The following HEATR6 variants were observed in gnomAD, a reference collection of about 807,000 sequenced individuals.
HEATR6 encodes the protein HEAT repeat containing 6.
A neutral mutation model predicts 132.8 loss-of-function variants in HEATR6; 106 were observed. The observed-to-expected ratio is 0.80, with a 90% CI of 0.68 to 0.94. The LOEUF (loss-of-function observed/expected upper bound fraction) is 0.94. Ranked by LOEUF, HEATR6 falls within the 40% of genes least tolerant of loss-of-function variation. The pLI is 0.00. For synonymous variants in HEATR6, 529 were observed against 537.8 expected (o/e 0.98, Z 0.23); for missense variants, 1,339 against 1,425.1 (o/e 0.94, Z 0.97).
intron 8 of HEATR6, among the ~76,000 whole-genome samples, chr17:60,066,701 C>A (rs1485060775): frequency 1.3e-5 from 2 of 152,194 alleles, no homozygotes; most frequent in Non-Finnish European, 2.9e-5. Flanking sequence ...GAGTATCCAT[C>A]CATCCATTCA....
chr17:60,069,667 T>C (rs1333343864), intron 7 of HEATR6, 44 bp downstream of exon 7: 1 of 1,580,708 alleles, frequency 6.3e-7, no homozygotes, highest in Non-Finnish European at 8.7e-7. Flanking sequence ...CAACAATCTA[T>C]TAAAAATAAG....
Position 60,043,556 on chromosome 17 carries a change from G to T in HEATR6, c.*7C>A. ...GCCTTCGACATCTAGAAAGTATGGT[G>T]GGATCTTCACTGATTTGTTAACCCT... On this transcript the variant is annotated 3_prime_UTR_variant, in exon 20 of 20. Coordinates refer to ENST00000184956, the MANE Select transcript of HEATR6 (RefSeq NM_022070.5). 6.3e-7 allele frequency: 1 copy of T among 1,599,326 alleles called. No individual in the cohort carries two copies. The highest frequency in any genetic ancestry group is 2.2e-5 in the East Asian group (1 of 44,554).
chr17:60,067,404 A>G (rs2083247493), intron 8 of HEATR6, 30 bp downstream of exon 8: 2 of 1,456,304 alleles, frequency 1.4e-6, no homozygotes, highest in Non-Finnish European at 1.8e-6. Flanking sequence ...TTAGAATACA[A>G]GGTATAAAAA....
Position 60,078,799 on chromosome 17 carries a change from G to T in HEATR6, c.116C>A (p.Ala39Asp), listed in dbSNP as rs200568218. Residue 39 changes from alanine to aspartate, a missense_variant, in exon 1 of 20, where the codon GCC becomes GAC. Coordinates refer to ENST00000184956, the MANE Select transcript of HEATR6 (RefSeq NM_022070.5). ...GFRLLSARLC[A>D]LRPDDSSSAR... ...GGAGCTGCTGTCATCCGGGCGCAGG[G>T]CGCAGAGCCTGGCAGACAAGAGGCG... 1 of 1,596,886 alleles carries T rather than the reference G, an allele frequency of 6.3e-7. No individual in the cohort carries two copies. The highest frequency in any genetic ancestry group is 1.1e-5 in the South Asian group (1 of 87,604).
chr17:60,044,138 G>A lies in HEATR6; in HGVS notation c.2975-4C>T. 6.3e-7 allele frequency: 1 copy of A among 1,597,112 alleles called. No individual in the cohort carries two copies. Among genetic ancestry groups the A allele is most frequent in the African/African-American group, 1.3e-5 (1 of 74,548 alleles). On this transcript the variant is annotated splice_polypyrimidine_tract_variant and splice_region_variant and intron_variant, in intron 19 of 19. Coordinates refer to ENST00000184956, the MANE Select transcript of HEATR6 (RefSeq NM_022070.5). ...TGGGAGGTCCATGGGGCTGTCCCTAGAAAGAATCCACAGTCACTAAAACAA... is the reference window on the plus strand; with the variant it reads ...TGGGAGGTCCATGGGGCTGTCCCTAAAAAGAATCCACAGTCACTAAAACAA...
Position 60,066,315 on chromosome 17 carries a change from T to G in HEATR6, c.1310A>C (p.Lys437Thr), listed in dbSNP as rs1280113717. 3 of 1,613,820 alleles carry G rather than the reference T, an allele frequency of 1.9e-6. No homozygotes were observed. The highest frequency in any genetic ancestry group is 2.5e-6 in the Non-Finnish European group (3 of 1,179,934). ...FLSTIKSIEK[K>T]VLYGYWSAFI... ...AGCTGACCAGTAGCCATAAAGAACTTTTTTTTCTATCGATTTTATAGTAGA... is the reference window on the plus strand; with the variant it reads ...AGCTGACCAGTAGCCATAAAGAACTGTTTTTTCTATCGATTTTATAGTAGA... Residue 437 changes from lysine to threonine, a missense_variant, in exon 9 of 20, where the codon AAA becomes ACA. By Grantham distance (78) the Lys-to-Thr change is moderately conservative. Transcript: ENST00000184956.
At chr17:60,051,183 G>A (rs1222171276) in intron 14 of HEATR6, among the ~76,000 whole-genome samples, 2 of 152,182 alleles carry the variant, frequency 1.3e-5, no homozygotes, top group African/African-American at 2.4e-5. Context: ...AGGAGACTGC[G>A]GTCTGATAAA....
In HEATR6 at chr17:60,057,374, G is replaced by GT. The variant is rs1163175674; in HGVS notation, c.1752dup (p.Leu585ThrfsTer14). 1.0e-5 allele frequency: 16 copies of GT among 1,605,698 alleles called. No individual in the cohort carries two copies. Among genetic ancestry groups the GT allele is most frequent in the Non-Finnish European group, 1.2e-5 (14 of 1,174,868 alleles). On this transcript the variant is annotated frameshift_variant, in exon 12 of 20. Coordinates refer to ENST00000184956, the MANE Select transcript of HEATR6 (RefSeq NM_022070.5). The stretch of plus-strand genomic sequence containing the variant: ...TGGGTGGACACTATAGCTCCCAAGA[G>GT]TGTGAGACTTGACACACGAACATTA...
At chr17:60,066,499 T>C (rs2083241642) in intron 8 of HEATR6, 113 bp from the exon 9 acceptor site, 1 of 764,530 alleles carries the variant, frequency 1.3e-6, no homozygotes, top group Non-Finnish European at 2.0e-6. Context: ...ATTCAAAAAT[T>C]AAACATTCTA....
rs112900668 is a variant in HEATR6, at chr17:60,066,326, C to T, written c.1299G>A (p.Ser433=). The part of the protein sequence containing the change: ...ALVCFLSTIK[S]IEKKVLYGYW... ...AGCCATAAAGAACTTTTTTTTCTATCGATTTTATAGTAGAAAGAAAACAAA... is the reference window on the plus strand; with the variant it reads ...AGCCATAAAGAACTTTTTTTTCTATTGATTTTATAGTAGAAAGAAAACAAA... The change falls in exon 9 of 20, where the codon TCG becomes TCA. Residue 433 remains serine (S), a synonymous_variant. Coordinates refer to ENST00000184956, the MANE Select transcript of HEATR6 (RefSeq NM_022070.5). The T allele has an allele frequency of 1.3e-5, 21 of 1,613,316 alleles. No homozygotes were observed. In the African/African-American group the frequency reaches 1.3e-4, roughly 10 times the overall value.
intron 19 of HEATR6, among the ~76,000 whole-genome samples, chr17:60,044,656 C>A (rs904722180): frequency 6.6e-6 from 1 of 152,234 alleles, no homozygotes; most frequent in African/African-American, 2.4e-5. Context: ...AGATTTCTAT[C>A]TTTTCTCCAC....
At chr17:60,078,500 A>G (rs1047076182) in intron 1 of HEATR6, among the ~76,000 whole-genome samples, 196 bp downstream of exon 1, 1 of 151,826 alleles carries the variant, frequency 6.6e-6, no homozygotes, top group Non-Finnish European at 1.5e-5. Context: ...GTTTTGAATG[A>G]CTCGAGCGTG....
Position 60,055,531 on chromosome 17 carries a change from C to T in HEATR6, c.2273G>A (p.Arg758Lys), listed in dbSNP as rs1906712664. ...TTTATTTACCAAGAAGACTGGTGCT[C>T]TCTGATCAGGTGCTGCAGTGGAGTC... ...KPDSTAAPDQ[R>K]APVFLVVMFW... The change falls in exon 14 of 20, where the codon AGA becomes AAA. Residue 758 changes from arginine to lysine, a missense_variant. By Grantham distance (26) the Arg-to-Lys change is conservative. Coordinates refer to ENST00000184956, the MANE Select transcript of HEATR6 (RefSeq NM_022070.5). The T allele has an allele frequency of 6.2e-7, 1 of 1,610,856 alleles. No individual in the cohort carries two copies.
chr17:60,051,647 T>A (rs1598907369), intron 14 of HEATR6, among the ~76,000 whole-genome samples: 1 of 152,254 alleles, frequency 6.6e-6, no homozygotes, highest in Admixed American at 6.5e-5. Context: ...AAAGTAGCCA[T>A]GTCAACAGTT....
chr17:60,069,798 C>T lies in HEATR6; in HGVS notation c.852G>A (p.Val284=). The T allele has an allele frequency of 6.2e-7, 1 of 1,614,036 alleles. No individual in the cohort carries two copies. The highest frequency in any genetic ancestry group is 1.1e-5 in the South Asian group (1 of 91,074). ...LPGLNIEMPT[V]LYPTPLPQYD... is the part of the protein sequence containing the mutation. ...ACTGAGGAAGCGGAGTTGGGTATAA[C>T]ACCGTGGGCATCTCTATGTTTAGTC... Residue 284 remains valine, a synonymous_variant, in exon 7 of 20, where the codon GTG becomes GTA. Transcript: ENST00000184956.
In HEATR6 at chr17:60,050,956, T is replaced by A. The variant is rs1906560236; in HGVS notation, c.2311A>T (p.Met771Leu). Residue 771 changes from methionine (M) to leucine (L), a missense_variant, in exon 15 of 20, where the codon ATG becomes TTG. Transcript: ENST00000184956. ...GCTCTGGGTAAAGGACCGTTCAGCA[T>A]CATAGTCCAGAACATCACCACCTGG... ...VFLVVMFWTM[M>L]LNGPLPRALQ... 1 of 1,614,176 alleles carries A rather than the reference T, an allele frequency of 6.2e-7. No homozygotes were observed. Among genetic ancestry groups the A allele is most frequent in the Non-Finnish European group, 8.5e-7 (1 of 1,180,018 alleles).
chr17:60,064,086 C>T (rs2083226584), intron 9 of HEATR6: 1 of 152,192 alleles, frequency 6.6e-6, no homozygotes, highest in South Asian at 2.1e-4. Context: ...AAGGCAGGCA[C>T]ATCACCTGGG....
intron 14 of HEATR6, among the ~76,000 whole-genome samples, chr17:60,052,729 G>A (rs1598907781): frequency 1.3e-5 from 2 of 152,224 alleles, no homozygotes; most frequent in East Asian, 3.8e-4. Context: ...TTAGCACTAA[G>A]TAGAAGCCTT....
chr17:60,073,739 A>G lies in HEATR6; in HGVS notation c.468+7T>C, dbSNP rs368699371. 1.9e-6 allele frequency: 3 copies of G among 1,613,210 alleles called. No homozygotes were observed. In the African/African-American group the frequency reaches 4.0e-5, roughly 22 times the overall value. On this transcript the variant is annotated splice_region_variant and intron_variant, in intron 3 of 19. Transcript: ENST00000184956. ...TTTCAAAGGAAGGATAAAGCACTTT[A>G]AACTACCTTTTGACATTTGGAGCCA...
Sources: allele counts gnomAD v4.1 joint callset (sites outside exome capture counted in the v4.1 genomes callset), GRCh38; gene constraint gnomAD v4.1.1; transcripts MANE v1.5; gene names NCBI Gene and HGNC (gene_info 2026-07-23, HGNC 2026-07-21).